Variants in EYA4 observed in about 807,000 individuals in gnomAD.
EYA4 encodes the protein EYA transcriptional coactivator and phosphatase 4.
In EYA4, 31 loss-of-function variants were observed where a neutral mutation model predicts 87.9. The observed-to-expected ratio is 0.35, with a 90% CI of 0.27 to 0.48. The LOEUF is 0.48. EYA4 is among the 20% of genes least tolerant of loss of function. The pLI, the probability that EYA4 is intolerant of heterozygous loss-of-function variation, is 0.99. For missense variants in EYA4, 678 were observed against 761.4 expected (o/e 0.89, Z 1.29); for synonymous variants, 263 against 270.6 (o/e 0.97, Z 0.28).
chr6:133,497,167 G>A (rs1344879319), intron 13 of EYA4, among the ~76,000 whole-genome samples: 1 of 151,996 alleles, frequency 6.6e-6, no homozygotes, highest in African/African-American at 2.4e-5. Context: ...CTCATAAGTG[G>A]CAAGATCAGT....
intron 3 of EYA4, among the ~76,000 whole-genome samples, chr6:133,422,244 A>G (rs1348458593): frequency 6.6e-6 from 1 of 152,180 alleles, no homozygotes; most frequent in Non-Finnish European, 1.5e-5. Context: ...TGAGAAAAAC[A>G]CTATCCTGAA....
intron 2 of EYA4, among the ~76,000 whole-genome samples, chr6:133,373,331 CT>C (rs1389711770): frequency 6.6e-6 from 1 of 151,878 alleles, no homozygotes; most frequent in Non-Finnish European, 1.5e-5. Flanking sequence ...ATTCCAATAT[CT>C]TTAAAAAAAT....
At chr6:133,284,992 T>C (rs1227119223) in intron 2 of EYA4, among the ~76,000 whole-genome samples, 3 of 151,340 alleles carry the variant, frequency 2.0e-5, no homozygotes, top group Admixed American at 6.6e-5. Context: ...TTTTTTGTTT[T>C]TTTTTTTGTT....
chr6:133,372,615 ACTT>A (rs1028129074), intron 2 of EYA4, among the ~76,000 whole-genome samples: 12 of 151,830 alleles, frequency 7.9e-5, no homozygotes, highest in African/African-American at 1.2e-4. Flanking sequence ...AAAATAAAGA[ACTT>A]GATGCCAACA....
chr6:133,287,136 C>T (rs753290069), intron 2 of EYA4, among the ~76,000 whole-genome samples: 8 of 152,068 alleles, frequency 5.3e-5, no homozygotes, highest in Non-Finnish European at 1.2e-4. Flanking sequence ...GAAAGTTTAC[C>T]TGAACATTTA....
At chr6:133,457,399 C>A (rs182036124) in intron 6 of EYA4, among the ~76,000 whole-genome samples, 2 of 152,086 alleles carry the variant, frequency 1.3e-5, no homozygotes, top group Non-Finnish European at 1.5e-5. Context: ...GAACATTAAA[C>A]CTAGGAAAGT....
intron 2 of EYA4, among the ~76,000 whole-genome samples, chr6:133,330,568 TACACACAC>T (rs57398314): frequency 0.37 from 53,474 of 143,600 alleles, 10,944 homozygotes; most frequent in African/African-American, 0.53. Context: ...TATATATATA[TACACACAC>T]ACACACACAC....
chr6:133,449,624 G>A (rs1793217225), intron 5 of EYA4, among the ~76,000 whole-genome samples: 1 of 152,182 alleles, frequency 6.6e-6, no homozygotes, highest in South Asian at 2.1e-4. Flanking sequence ...CATACTGGCT[G>A]TGTCACCTTG....
At chr6:133,396,025 C>T (rs1787763121) in intron 3 of EYA4, among the ~76,000 whole-genome samples, 2 of 152,180 alleles carry the variant, frequency 1.3e-5, no homozygotes, top group African/African-American at 4.8e-5. Flanking sequence ...CCCTTCTTTT[C>T]TCCCTTCCCC....
At chr6:133,486,763 G>A (rs972780973) in intron 13 of EYA4, among the ~76,000 whole-genome samples, 6 of 152,154 alleles carry the variant, frequency 3.9e-5, no homozygotes, top group African/African-American at 7.2e-5. Flanking sequence ...ATGAAGTCTA[G>A]TGTGGCTGGA....
intron 13 of EYA4, among the ~76,000 whole-genome samples, chr6:133,486,872 C>T (rs958051154): frequency 5.3e-5 from 8 of 152,200 alleles, no homozygotes; most frequent in Non-Finnish European, 8.8e-5. Context: ...CCTGCAGCAA[C>T]ACCAAATTGA....
At position 133,486,579 on chromosome 6, in the gene EYA4, G is replaced by A. The variant is rs73544991; in HGVS notation, c.1191+3464G>A. On this transcript the variant is annotated intron_variant, in intron 13 of 19. Transcript: ENST00000355286. ...CAAAACAAAAAAAAACACATTTCAG[G>A]TATTGGTGACTTCTGTGAAGAAAAT... Among the ~76,000 whole-genome samples the A allele has an allele frequency of 3.4e-4, 52 of 152,274 alleles. 1 individual carries two copies. Among genetic ancestry groups the A allele is most frequent in the African/African-American group, 1.2e-3 (51 of 41,544 alleles).
At position 133,487,665 on chromosome 6, in the gene EYA4, G is replaced by A. The variant is rs1583431751; in HGVS notation, c.1191+4550G>A. Among the ~76,000 whole-genome samples the A allele has an allele frequency of 4.6e-5, 7 of 152,198 alleles. No individual in the cohort carries two copies. In the South Asian group the frequency reaches 1.5e-3, roughly 32 times the overall value. ...TCCTTGAAGGGAAGGATCCAATCTT[G>A]GCAAGATTCATCACCTGCTACCAAG... On this transcript the variant is annotated intron_variant, in intron 13 of 19. Coordinates refer to ENST00000355286, the MANE Select transcript of EYA4 (RefSeq NM_004100.5).
chr6:133,415,557 G>A (rs1789642730), intron 3 of EYA4, among the ~76,000 whole-genome samples: 1 of 152,120 alleles, frequency 6.6e-6, no homozygotes, highest in Non-Finnish European at 1.5e-5. Flanking sequence ...AGGATTATGA[G>A]ACACATGTGC....
chr6:133,415,477 G>A (rs554500211), intron 3 of EYA4, among the ~76,000 whole-genome samples: 106 of 152,236 alleles, frequency 7.0e-4, no homozygotes, highest in African/African-American at 2.5e-3. Context: ...TGCCAGACGT[G>A]CCTCCTCTCA....
chr6:133,527,693 C>T (rs976661656), intron 19 of EYA4, among the ~76,000 whole-genome samples: 1 of 152,084 alleles, frequency 6.6e-6, no homozygotes, highest in African/African-American at 2.4e-5. Flanking sequence ...TGGTGGCTAC[C>T]ATAGTGTGCA....
chr6:133,452,646 A>G (rs943070024), intron 5 of EYA4, among the ~76,000 whole-genome samples: 3 of 152,068 alleles, frequency 2.0e-5, no homozygotes, highest in Admixed American at 2.0e-4. Context: ...GATTTAGTCT[A>G]TAGATAAGAA....
intron 2 of EYA4, among the ~76,000 whole-genome samples, chr6:133,355,496 AG>A (rs1201651265): frequency 6.6e-6 from 1 of 152,202 alleles, no homozygotes; most frequent in Non-Finnish European, 1.5e-5. Context: ...ACAACTATGC[AG>A]TCATGAAAAA....
chr6:133,466,099 C>T (rs758110965), intron 10 of EYA4, among the ~76,000 whole-genome samples: 1 of 152,022 alleles, frequency 6.6e-6, no homozygotes, highest in Non-Finnish European at 1.5e-5. Flanking sequence ...GTTCCCTGCT[C>T]TTTAGAAGGA....
Sources: gnomAD v4.1 joint callset for allele counts (sites outside exome capture counted in the v4.1 genomes callset) on GRCh38, gnomAD v4.1.1 for gene constraint, MANE v1.5 for transcripts, NCBI Gene and HGNC (gene_info 2026-07-23, HGNC 2026-07-21) for gene names.